FBXW10: variants seen among roughly 807,000 people sequenced by gnomAD.
FBXW10 encodes the protein F-box/WD repeat-containing protein 10.
Under a neutral mutation model 113.1 loss-of-function variants are expected in FBXW10, and 68 were observed. The observed-to-expected ratio is 0.60, with a 90% CI of 0.49 to 0.74. The LOEUF (loss-of-function observed/expected upper bound fraction) is 0.74. FBXW10 is among the 30% of genes least tolerant of loss of function. The pLI, the probability that FBXW10 is intolerant of heterozygous loss-of-function variation, is 0.00. For synonymous variants in FBXW10, 289 were observed against 481.6 expected, an observed-to-expected ratio of 0.60 and a Z score of 5.24; for missense variants, 753 against 1,284.5, an observed-to-expected ratio of 0.59 and a Z score of 6.32.
Position 18,769,918 on chromosome 17 carries a change from C to A in FBXW10, c.1848-9C>A. ...GATGGGTACTGCCTGCTACTCTGTT[C>A]CCTTCCAGGGAGGTGCTCGACGTGT... On this transcript the variant is annotated splice_polypyrimidine_tract_variant and intron_variant, in intron 10 of 13. Coordinates refer to ENST00000395665, the MANE Select transcript of FBXW10 (RefSeq NM_001267585.2). 1 of 1,614,012 alleles carries A rather than the reference C, an allele frequency of 6.2e-7. No homozygotes were observed. Among genetic ancestry groups the A allele is most frequent in the South Asian group, 1.1e-5 (1 of 91,066 alleles).
At position 18,764,895 on chromosome 17, in the gene FBXW10, A is replaced by G. The variant is rs1234164178; in HGVS notation, c.1555+32A>G. 4 of 1,613,672 alleles carry G rather than the reference A, an allele frequency of 2.5e-6. No individual in the cohort carries two copies. In the East Asian group the frequency reaches 8.9e-5, roughly 36 times the overall value. On this transcript the variant is annotated intron_variant, in intron 8 of 13. Coordinates refer to ENST00000395665, the MANE Select transcript of FBXW10 (RefSeq NM_001267585.2). The stretch of plus-strand genomic sequence containing the variant: ...AAGAAGTGCCTTAAATTTTCTAAGA[A>G]GTTTCCCCCGACCCACGGGTTACCA...
chr17:18,762,224 A>G (rs540289146), intron 7 of FBXW10, among the ~76,000 whole-genome samples: 2 of 151,852 alleles, frequency 1.3e-5, no homozygotes, highest in Admixed American at 1.3e-4. Flanking sequence ...GGCCTCCCAA[A>G]GTGCTGGGAT....
At chr17:18,747,616 G>T (rs2035062791) in intron 1 of FBXW10, among the ~76,000 whole-genome samples, 1 of 152,106 alleles carries the variant, frequency 6.6e-6, no homozygotes, top group African/African-American at 2.4e-5. Context: ...CTCGAGGGTG[G>T]TTATTTCTAT....
At chr17:18,771,714 G>T (rs112705082) in intron 11 of FBXW10, among the ~76,000 whole-genome samples, 1 of 152,128 alleles carries the variant, frequency 6.6e-6, no homozygotes, top group Non-Finnish European at 1.5e-5. Flanking sequence ...AACAAACAAA[G>T]AAACAAAAAC....
intron 10 of FBXW10, chr17:18,769,548 AG>A (rs2035567282): frequency 5.8e-6 from 1 of 172,226 alleles, no homozygotes; most frequent in Non-Finnish European, 1.2e-5. Flanking sequence ...AGGCCAAGGT[AG>A]GTGGATCACC....
chr17:18,750,051 A>G lies in FBXW10; in HGVS notation c.913A>G (p.Ser305Gly), dbSNP rs2035130591. ...CACCCTGAACAAGTGCGCCTCTGTG[A>G]GCCAGCACTGGGCCGCCATGGCTCA... ...RHTLNKCASV[S>G]QHWAAMAQQV... The change falls in exon 4 of 14, where the codon AGC (serine) becomes GGC (glycine). Residue 305 changes from serine (S) to glycine (G), a missense_variant. Coordinates refer to ENST00000395665, the MANE Select transcript of FBXW10 (RefSeq NM_001267585.2). The G allele has an allele frequency of 6.2e-7, 1 of 1,613,538 alleles. No homozygotes were observed. Among genetic ancestry groups the G allele is most frequent in the African/African-American group, 1.3e-5 (1 of 74,788 alleles).
In FBXW10 at chr17:18,758,290, TC is replaced by T. The variant is rs1445603867; in HGVS notation, c.1233-11del. The T allele has an allele frequency of 6.6e-7, 1 of 1,523,312 alleles. No homozygotes were observed. The highest frequency in any genetic ancestry group is 8.9e-7 in the Non-Finnish European group (1 of 1,127,092). 94.4% of individuals were successfully genotyped at this position (1,523,312 alleles called of 1,614,324 possible). A position where few individuals can be genotyped will look rare whatever the true frequency, so the allele number is the denominator to read the frequency against. On this transcript the variant is annotated splice_polypyrimidine_tract_variant and intron_variant, in intron 6 of 13. Coordinates refer to ENST00000395665, the MANE Select transcript of FBXW10 (RefSeq NM_001267585.2). ...ACTCTTCTTTCATGGATAATCCTTT[TC>T]CCCTGGCACTCAGGTGGGATCAAAA...
chr17:18,762,092 A>C (rs1201988766), intron 7 of FBXW10, among the ~76,000 whole-genome samples: 2 of 151,566 alleles, frequency 1.3e-5, no homozygotes, highest in Non-Finnish European at 2.9e-5. Flanking sequence ...CCTCCCGAGT[A>C]GCTGGGACTA....
intron 5 of FBXW10, among the ~76,000 whole-genome samples, chr17:18,752,735 C>T (rs557211805): frequency 2.0e-5 from 3 of 151,026 alleles, no homozygotes; most frequent in South Asian, 2.1e-4. Flanking sequence ...AAAGAAAACA[C>T]ATTTCTGGAT....
Position 18,747,956 on chromosome 17 carries a change from T to C in FBXW10, c.521T>C (p.Ile174Thr), listed in dbSNP as rs370476175. The change falls in exon 2 of 14, where the codon ATC (isoleucine) becomes ACC (threonine). Residue 174 changes from isoleucine to threonine, a missense_variant. Ile to Thr is a moderately conservative substitution (Grantham distance 89). Coordinates refer to ENST00000395665, the MANE Select transcript of FBXW10 (RefSeq NM_001267585.2). ...ENNISGLNQD[I>T]TDVCFSPEKD... is the part of the protein sequence containing the mutation. ...TGTGTTTCAGGGCTCAATCAAGACA[T>C]CACAGATGTGTGTTTTTCCCCTGAG... is the stretch of plus-strand genomic sequence containing the variant. 1.2e-6 allele frequency: 2 copies of C among 1,613,738 alleles called. No individual in the cohort carries two copies. The highest frequency in any genetic ancestry group is 1.7e-5 in the Admixed American group (1 of 59,980).
chr17:18,760,200 G>A (rs1166615643), intron 7 of FBXW10, among the ~76,000 whole-genome samples: 1 of 151,998 alleles, frequency 6.6e-6, no homozygotes, highest in Non-Finnish European at 1.5e-5. Context: ...GTTTTATTGG[G>A]GTTTAAATTT....
chr17:18,749,987 T>A lies in FBXW10; in HGVS notation c.872-23T>A. 3 of 1,614,082 alleles carry A rather than the reference T, an allele frequency of 1.9e-6. No homozygotes were observed. In the South Asian group the frequency reaches 3.3e-5, roughly 18 times the overall value. On this transcript the variant is annotated intron_variant, in intron 3 of 13. Coordinates refer to ENST00000395665, the MANE Select transcript of FBXW10 (RefSeq NM_001267585.2). Reference sequence around the variant, plus strand: ...CCTCTTGGCCCAGTTCTGGGGTTTCTGGGTCCATCTTTTTTTTTCCAGGAA... The same window carrying A: ...CCTCTTGGCCCAGTTCTGGGGTTTCAGGGTCCATCTTTTTTTTTCCAGGAA...
intron 1 of FBXW10, among the ~76,000 whole-genome samples, chr17:18,747,231 C>A (rs1203526984): frequency 1.3e-5 from 2 of 152,086 alleles, no homozygotes; most frequent in Non-Finnish European, 2.9e-5. Context: ...GGGCCAACAA[C>A]CTTCTCTTTT....
At chr17:18,773,867 G>C (rs1013431683) in intron 12 of FBXW10, among the ~76,000 whole-genome samples, 1 of 152,204 alleles carries the variant, frequency 6.6e-6, no homozygotes, top group Non-Finnish European at 1.5e-5. Context: ...TTTGAGGGCA[G>C]CATCCAGGGA....
intron 12 of FBXW10, 116 bp downstream of exon 12, chr17:18,772,799 G>A: frequency 3.5e-6 from 3 of 850,238 alleles, no homozygotes; most frequent in Non-Finnish European, 3.8e-6. Context: ...TTGGCCAGTG[G>A]TTTCCTGAGG....
rs757989491 is a variant in FBXW10 at position 18,772,680 on chromosome 17, T to C, written c.2275T>C (p.Ser759Pro). 2 of 1,607,596 alleles carry C rather than the reference T, an allele frequency of 1.2e-6. No individual in the cohort carries two copies. The highest frequency in any genetic ancestry group is 1.7e-4 in the Middle Eastern group (1 of 6,010). ...RVLLKPAKFS[S>P]AVLIEELQSQ... is the part of the protein sequence containing the mutation. The stretch of plus-strand genomic sequence containing the variant: ...ACTCCTGAAGCCGGCCAAGTTCTCT[T>C]CAGGTAAAAAACTGAAATACCAGCA... Residue 759 changes from serine (S) to proline (P), a missense_variant, in exon 12 of 14, where the codon TCA becomes CCA. Physicochemically the swap from Ser to Pro is moderately conservative, Grantham distance 74. Transcript: ENST00000395665.
chr17:18,765,648 A>C (rs2035481916), intron 8 of FBXW10, among the ~76,000 whole-genome samples: 1 of 152,176 alleles, frequency 6.6e-6, no homozygotes, highest in Non-Finnish European at 1.5e-5. Flanking sequence ...CTGTTGCCTG[A>C]GGAAGAAGGT....
At chr17:18,751,385 C>T (rs943905974) in intron 5 of FBXW10, among the ~76,000 whole-genome samples, 4 of 151,990 alleles carry the variant, frequency 2.6e-5, no homozygotes, top group African/African-American at 9.7e-5. Flanking sequence ...GCCACCACGC[C>T]CGGCTAATTT....
At chr17:18,759,014 C>T (rs1597594924) in intron 7 of FBXW10, among the ~76,000 whole-genome samples, 1 of 152,018 alleles carries the variant, frequency 6.6e-6, no homozygotes, top group Non-Finnish European at 1.5e-5. Context: ...AAACAAAATA[C>T]AAGAAATTAG....
Sources: allele counts gnomAD v4.1 joint callset (sites outside exome capture counted in the v4.1 genomes callset), GRCh38; gene constraint gnomAD v4.1.1; transcripts MANE v1.5; gene names NCBI Gene and HGNC (gene_info 2026-07-23, HGNC 2026-07-21).